Variants in BCL11B observed in about 807,000 individuals in gnomAD.
BCL11B encodes the protein BCL11 transcription factor B.
Under a neutral mutation model 49.9 loss-of-function variants are expected in BCL11B, and 8 were observed. That is an observed-to-expected ratio of 0.16 (90% CI 0.09 to 0.29). The LOEUF is 0.29. BCL11B is among the 10% of genes least tolerant of loss of function. The pLI is 1.00. For synonymous variants in BCL11B, 739 were observed against 637.4 expected (o/e 1.16, Z -2.40); for missense variants, 1,006 against 1,351.0 (o/e 0.74, Z 4.00).
intron 1 of BCL11B, among the ~76,000 whole-genome samples, chr14:99,268,992 C>T (rs768108613): frequency 1.5e-4 from 22 of 151,364 alleles, no homozygotes; most frequent in South Asian, 2.1e-4. Flanking sequence ...TGCCACCAGT[C>T]CTCTGGCCAG....
chr14:99,176,311 G>T, intron 3 of BCL11B, 116 bp from the exon 4 acceptor site: 1 of 934,116 alleles, frequency 1.1e-6, no homozygotes, highest in Non-Finnish European at 1.5e-6. Flanking sequence ...GGATCCCAGT[G>T]CCCTGCCTGA....
chr14:99,253,166 G>T (rs1889056721), intron 2 of BCL11B, among the ~76,000 whole-genome samples: 1 of 152,252 alleles, frequency 6.6e-6, no homozygotes. Flanking sequence ...GTGGCCAGCA[G>T]TGAGTGATGG....
At chr14:99,264,049 C>A (rs1889411290) in intron 1 of BCL11B, 1 of 152,254 alleles carries the variant, frequency 6.6e-6, no homozygotes, top group Non-Finnish European at 1.5e-5. Context: ...TTCAGAGCCA[C>A]AACGGGCTCC....
At position 99,174,647 on chromosome 14, in the gene BCL11B, G is replaced by T. The variant is rs868732382; in HGVS notation, c.2189C>A (p.Thr730Lys). ...HFMKDPFLGF[T>K]DARQSPFATS... ...GGCGAAGGGCGACTGTCGTGCGTCC[G>T]TGAAGCCCAGGAAGGGGTCCTTCAT... is the stretch of plus-strand genomic sequence containing the variant. Residue 730 changes from threonine (T) to lysine (K), a missense_variant, in exon 4 of 4, where the codon ACG becomes AAG. By Grantham distance (78) the Thr-to-Lys change is moderately conservative. Coordinates refer to ENST00000357195, the MANE Select transcript of BCL11B (RefSeq NM_138576.4). 1 of 1,577,304 alleles carries T rather than the reference G, an allele frequency of 6.3e-7. No homozygotes were observed. The highest frequency in any genetic ancestry group is 1.1e-5 in the South Asian group (1 of 87,430).
intron 3 of BCL11B, among the ~76,000 whole-genome samples, chr14:99,196,622 C>T (rs1012162317): frequency 6.6e-6 from 1 of 152,156 alleles, no homozygotes; most frequent in Non-Finnish European, 1.5e-5. Flanking sequence ...TTGACAGATG[C>T]CCCCCAAGAT....
chr14:99,197,551 G>T (rs78792030), intron 3 of BCL11B, among the ~76,000 whole-genome samples: 1,738 of 152,268 alleles, frequency 0.011, 25 homozygotes, highest in Middle Eastern at 0.058. Context: ...TCAGAGGGTG[G>T]TGAGGGGTGC....
chr14:99,212,668 G>A (rs916576992), intron 3 of BCL11B, among the ~76,000 whole-genome samples: 3 of 152,072 alleles, frequency 2.0e-5, no homozygotes, highest in Non-Finnish European at 2.9e-5. Context: ...CCTCAGCCCC[G>A]ACCTCAGCAG....
intron 3 of BCL11B, among the ~76,000 whole-genome samples, chr14:99,225,922 G>C (rs1888147274): frequency 1.3e-5 from 2 of 152,170 alleles, no homozygotes; most frequent in South Asian, 4.1e-4. Context: ...GGGGCTTGCA[G>C]CTCTCCATGG....
In BCL11B at chr14:99,174,547, G is replaced by A. The variant is rs1186781018; in HGVS notation, c.2289C>T (p.Gly763=). 1.3e-6 allele frequency: 2 copies of A among 1,511,482 alleles called. No individual in the cohort carries two copies. The highest frequency in any genetic ancestry group is 2.4e-5 in the South Asian group (2 of 81,786). 93.6% of individuals were successfully genotyped at this position (1,511,482 alleles called of 1,614,324 possible). A position where few individuals can be genotyped will look rare whatever the true frequency, so the allele number is the denominator to read the frequency against. ...TGGCCGTGCCGCTGCGGCCCGAGAG[G>A]CCGCCGTCCAGCAGGTCCCCGGGCG... ...STPPGDLLDG[G]LSGRSGTASG... The change falls in exon 4 of 4, where the codon GGC becomes GGT. Residue 763 remains glycine (G), a synonymous_variant. Transcript: ENST00000357195.
chr14:99,185,376 G>A (rs981046275), intron 3 of BCL11B, among the ~76,000 whole-genome samples: 32 of 151,818 alleles, frequency 2.1e-4, no homozygotes, highest in Admixed American at 2.0e-3. Flanking sequence ...GGCGGAGGTT[G>A]CGGTGAGCTG....
At position 99,195,513 on chromosome 14, in the gene BCL11B, CCTTGCTGAGCA is replaced by C. The variant is rs764895241; in HGVS notation, c.641-19329_641-19319del. Among the ~76,000 whole-genome samples the C allele has an allele frequency of 2.2e-4, 34 of 152,230 alleles. No homozygotes were observed. The highest frequency in any genetic ancestry group is 3.8e-4 in the Non-Finnish European group (26 of 68,002). On this transcript the variant is annotated intron_variant, in intron 3 of 3. Coordinates refer to ENST00000357195, the MANE Select transcript of BCL11B (RefSeq NM_138576.4). This position sits in a 1 kb window ranked among gnomAD's most constrained non-coding sequence, Gnocchi z 4.7. ...TTGCACCCCCAAAACAATGGCTGGC[CCTTGCTGAGCA>C]CTTGCTGAGTGCCTCAGTGTATCTT... is the stretch of plus-strand genomic sequence containing the variant.
intron 3 of BCL11B, among the ~76,000 whole-genome samples, chr14:99,211,108 A>AGATCATGGT (rs1887676195): frequency 6.6e-6 from 1 of 152,198 alleles, no homozygotes; most frequent in Non-Finnish European, 1.5e-5. Context: ...GTACCCAGGT[A>AGATCATGGT]ATACCATGAT....
At chr14:99,214,542 A>G (rs1422593272) in intron 3 of BCL11B, among the ~76,000 whole-genome samples, 1 of 151,670 alleles carries the variant, frequency 6.6e-6, no homozygotes, top group Non-Finnish European at 1.5e-5. Flanking sequence ...TGGGTGACAG[A>G]GCAAGACCCT....
chr14:99,254,155 G>A (rs552656811), intron 2 of BCL11B, among the ~76,000 whole-genome samples: 6 of 152,324 alleles, frequency 3.9e-5, no homozygotes, highest in East Asian at 3.9e-4. Flanking sequence ...CACCCAGGGC[G>A]GAGGATGGGC....
chr14:99,196,277 G>T (rs866276942), intron 3 of BCL11B, among the ~76,000 whole-genome samples: 2 of 152,126 alleles, frequency 1.3e-5, no homozygotes, highest in Non-Finnish European at 2.9e-5. Flanking sequence ...GGGAGGAAAG[G>T]TTCCAAAGTT....
chr14:99,210,985 T>C (rs1272211202), intron 3 of BCL11B, among the ~76,000 whole-genome samples: 1 of 151,984 alleles, frequency 6.6e-6, no homozygotes, highest in Admixed American at 6.5e-5. Flanking sequence ...ATAAGATCAA[T>C]AGACACCTTC....
chr14:99,253,237 G>A lies in BCL11B; in HGVS notation c.427+4234C>T, dbSNP rs142666021. Among the ~76,000 whole-genome samples the A allele has an allele frequency of 3.3e-4, 50 of 152,302 alleles. No individual in the cohort carries two copies. The East Asian group carries it at 5.8e-3, about 18-fold the overall frequency. ...GCTCCCTCACCTGAAACCCCCCGCC[G>A]GCTCCTCAGAGTGCACCGCCAGCAA... On this transcript the variant is annotated intron_variant, in intron 2 of 3. Transcript: ENST00000357195.
intron 3 of BCL11B, among the ~76,000 whole-genome samples, chr14:99,186,045 G>A (rs1327212881): frequency 6.6e-6 from 1 of 152,218 alleles, no homozygotes; most frequent in African/African-American, 2.4e-5. Context: ...TGTCCTCATG[G>A]AGCATAAAGT....
rs191133755 is a variant in BCL11B at position 99,200,237 on chromosome 14, C to G, written c.641-24042G>C. Among the ~76,000 whole-genome samples the G allele has an allele frequency of 1.6e-4, 24 of 152,306 alleles. 1 individual carries two copies. In the East Asian group the frequency reaches 4.6e-3, roughly 29 times the overall value. ...CGCAGCCGAGAGAAGAGCCTGCTGT[C>G]CTGGTGCAGGAGCACAGGCGCTGGT... is the stretch of plus-strand genomic sequence containing the variant. On this transcript the variant is annotated intron_variant, in intron 3 of 3. Coordinates refer to ENST00000357195, the MANE Select transcript of BCL11B (RefSeq NM_138576.4).
Sources: gnomAD v4.1 joint callset for allele counts (sites outside exome capture counted in the v4.1 genomes callset) on GRCh38, gnomAD v4.1.1 for gene constraint, Gnocchi (gnomAD v3.1) non-coding constraint, MANE v1.5 for transcripts, NCBI Gene and HGNC (gene_info 2026-07-23, HGNC 2026-07-21) for gene names.